Variants in CDC73 observed in about 807,000 individuals in gnomAD.
CDC73 encodes the protein parafibromin.
CDC73 carries 21 observed loss-of-function variants against 83.7 expected under a neutral mutation model. The observed-to-expected ratio is 0.25, with a 90% CI of 0.18 to 0.36. The LOEUF (loss-of-function observed/expected upper bound fraction) is 0.36. CDC73 is among the 10% of genes least tolerant of loss of function. The probability of loss-of-function intolerance (pLI) is 1.00; values close to 1 mark genes in which losing one functional copy is unlikely to be tolerated. For synonymous variants in CDC73, 224 were observed against 212.9 expected (o/e 1.05, Z -0.45); for missense variants, 342 against 653.3 (o/e 0.52, Z 5.19).
At chr1:193,224,911 C>T (rs887947399) in intron 13 of CDC73, among the ~76,000 whole-genome samples, 10 of 151,796 alleles carry the variant, frequency 6.6e-5, no homozygotes, top group African/African-American at 2.4e-4. Context: ...TTTATTTCCA[C>T]AGGTTTTTGG....
chr1:193,242,831 A>G (rs1677885686), intron 15 of CDC73, among the ~76,000 whole-genome samples: 1 of 152,220 alleles, frequency 6.6e-6, no homozygotes, highest in African/African-American at 2.4e-5. Flanking sequence ...GGCAGCATTC[A>G]TGAAGTTTGC....
chr1:193,180,191 G>T, intron 10 of CDC73: 2 of 969,122 alleles, frequency 2.1e-6, no homozygotes, highest in South Asian at 2.7e-5. Context: ...TTCTTTATGT[G>T]ATGAGTTTTA....
At chr1:193,173,665 TG>T (rs1469436937) in intron 10 of CDC73, among the ~76,000 whole-genome samples, 14 of 152,338 alleles carry the variant, frequency 9.2e-5, no homozygotes, top group African/African-American at 3.4e-4. Context: ...ATAATTTTTT[TG>T]TGCCATTGGT....
At position 193,253,214 on chromosome 1, in the gene CDC73, C is replaced by A. The variant is rs1678071862; in HGVS notation, c.*2502C>A. 8.6e-6 allele frequency: 2 copies of A among 232,332 alleles called. No homozygotes were observed. The highest frequency in any genetic ancestry group is 1.8e-4 in the South Asian group (1 of 5,520). The allele number at this position is 232,332 out of a possible 1,614,324, so 14.4% of individuals were successfully genotyped here. A position where few individuals can be genotyped will look rare whatever the true frequency, so the allele number is the denominator to read the frequency against. On this transcript the variant is annotated 3_prime_UTR_variant, in exon 17 of 17. Coordinates refer to ENST00000367435, the MANE Select transcript of CDC73 (RefSeq NM_024529.5). ...TGGAGAGTTTTTAAAAATATCCATGCCTGAATCTTGATTCCCATTTTCATG... is the reference window on the plus strand; with the variant it reads ...TGGAGAGTTTTTAAAAATATCCATGACTGAATCTTGATTCCCATTTTCATG...
chr1:193,245,706 C>G (rs1480659046), intron 15 of CDC73, among the ~76,000 whole-genome samples: 1 of 152,066 alleles, frequency 6.6e-6, no homozygotes, highest in Non-Finnish European at 1.5e-5. Context: ...TTTGAGAACT[C>G]TAGACTATTC....
intron 10 of CDC73, among the ~76,000 whole-genome samples, chr1:193,160,041 T>A (rs1676282416): frequency 1.3e-5 from 2 of 152,192 alleles, no homozygotes; most frequent in South Asian, 4.1e-4. Context: ...AACTGAGATT[T>A]ATTGAAAATC....
chr1:193,172,469 C>G (rs1303893879), intron 10 of CDC73, among the ~76,000 whole-genome samples: 1 of 152,066 alleles, frequency 6.6e-6, no homozygotes, highest in Non-Finnish European at 1.5e-5. Flanking sequence ...GTGAGCCAAC[C>G]TTCCTGCAGG....
chr1:193,208,035 A>T (rs576165352), intron 11 of CDC73, among the ~76,000 whole-genome samples: 23 of 152,186 alleles, frequency 1.5e-4, no homozygotes, highest in African/African-American at 4.8e-4. Context: ...ATTAAGATAA[A>T]TTTTTCCCTG....
At chr1:193,139,065 C>T (rs754244350) in intron 6 of CDC73, among the ~76,000 whole-genome samples, 18 of 152,176 alleles carry the variant, frequency 1.2e-4, no homozygotes, top group African/African-American at 2.6e-4. Context: ...TGAGCCACCG[C>T]GCCTGGCTGA....
chr1:193,237,603 G>T (rs1319829655), intron 15 of CDC73, among the ~76,000 whole-genome samples: 1 of 152,112 alleles, frequency 6.6e-6, no homozygotes, highest in East Asian at 1.9e-4. Context: ...GGTAGGGGTG[G>T]CGGGTTGGAG....
chr1:193,170,286 T>C (rs1676498209), intron 10 of CDC73, among the ~76,000 whole-genome samples: 1 of 152,222 alleles, frequency 6.6e-6, no homozygotes, highest in Non-Finnish European at 1.5e-5. Context: ...AATAGAATGA[T>C]TTATATTCCT....
chr1:193,202,337 T>A lies in CDC73; in HGVS notation c.973-1458T>A, dbSNP rs1677105994. On this transcript the variant is annotated intron_variant, in intron 10 of 16. Transcript: ENST00000367435. The stretch of plus-strand genomic sequence containing the variant: ...CCTAACATGAACTTAGAGACAAATA[T>A]AATCAGAAGGTTCCCCCACATCATA... Among the ~76,000 whole-genome samples the A allele has an allele frequency of 4.0e-5, 6 of 148,670 alleles. 1 individual carries two copies. In the South Asian group the frequency reaches 1.1e-3, roughly 26 times the overall value.
chr1:193,214,679 A>C (rs547067994), intron 13 of CDC73, among the ~76,000 whole-genome samples: 7 of 152,366 alleles, frequency 4.6e-5, no homozygotes, highest in African/African-American at 1.4e-4. Flanking sequence ...AGATGCCGCC[A>C]CTGCACTCCA....
At chr1:193,241,019 A>G (rs1414490196) in intron 15 of CDC73, among the ~76,000 whole-genome samples, 1 of 151,896 alleles carries the variant, frequency 6.6e-6, no homozygotes, top group African/African-American at 2.4e-5. Context: ...TTTATTTTTC[A>G]TTGGGATCTG....
intron 10 of CDC73, chr1:193,180,868 A>G: frequency 6.2e-7 from 1 of 1,613,904 alleles, no homozygotes; most frequent in Non-Finnish European, 8.5e-7. Context: ...CATGCCCATT[A>G]GTGTTTTAAT....
intron 10 of CDC73, among the ~76,000 whole-genome samples, chr1:193,197,902 G>C (rs1677029097): frequency 7.2e-6 from 1 of 138,322 alleles, no homozygotes; most frequent in South Asian, 2.3e-4. Context: ...TCCAGCCTGG[G>C]CAACAAAGTG....
At chr1:193,211,997 T>C (rs1294518777) in intron 11 of CDC73, 68 bp from the exon 12 acceptor site, 3 of 1,225,830 alleles carry the variant, frequency 2.4e-6, no homozygotes, top group Non-Finnish European at 3.5e-6. Context: ...ATATCCCTTA[T>C]TTGTAAGTTT....
At chr1:193,130,281 C>A (rs536341972) in intron 3 of CDC73, 38 bp downstream of exon 3, 6 of 1,211,680 alleles carry the variant, frequency 5.0e-6, no homozygotes, top group Non-Finnish European at 6.1e-6. Flanking sequence ...CTTAAACAGA[C>A]ATTGTTTCTT....
At chr1:193,233,298 C>T in intron 14 of CDC73, 144 bp downstream of exon 14, 1 of 743,824 alleles carries the variant, frequency 1.3e-6, no homozygotes, top group Non-Finnish European at 2.4e-6. Context: ...TGGGCTCTGT[C>T]AGTCCTCCTG....
Sources: allele counts gnomAD v4.1 joint callset (sites outside exome capture counted in the v4.1 genomes callset), GRCh38; gene constraint gnomAD v4.1.1; transcripts MANE v1.5; gene names NCBI Gene and HGNC (gene_info 2026-07-23, HGNC 2026-07-21).